The following PDE4D variants were observed in gnomAD, a reference collection of about 807,000 sequenced individuals.
The protein encoded by PDE4D is 3',5'-cyclic-AMP phosphodiesterase 4D.
A neutral mutation model predicts 87.4 loss-of-function variants in PDE4D; 24 were observed. The observed-to-expected ratio is 0.27, with a 90% CI of 0.20 to 0.39. PDE4D has a LOEUF of 0.39. PDE4D is among the 10% of genes least tolerant of loss of function. The probability of loss-of-function intolerance (pLI) is 1.00; values close to 1 mark genes in which losing one functional copy is unlikely to be tolerated. For missense variants in PDE4D, 714 were observed against 1,041.0 expected, an observed-to-expected ratio of 0.69 and a Z score of 4.32; for synonymous variants, 384 against 383.2, an observed-to-expected ratio of 1.00 and a Z score of -0.02.
chr5:59,986,255 C>A, intron 3 of PDE4D: 1 of 152,716 alleles, frequency 6.5e-6, no homozygotes, highest in Non-Finnish European at 1.5e-5. Context: ...AAGGTCTTGC[C>A]ATGTTGCCCA....
intron 1 of PDE4D, among the ~76,000 whole-genome samples, chr5:59,395,507 C>T (rs1031865759): frequency 3.3e-5 from 5 of 152,060 alleles, no homozygotes; most frequent in Non-Finnish European, 7.4e-5. Flanking sequence ...TCCAACAGAC[C>T]TGCAGCTGAG....
At chr5:59,693,863 T>C (rs543147396) in intron 1 of PDE4D, among the ~76,000 whole-genome samples, 7 of 152,198 alleles carry the variant, frequency 4.6e-5, no homozygotes, top group Non-Finnish European at 1.0e-4. Flanking sequence ...GAGTAGTCTA[T>C]GGATTAGGAT....
chr5:58,976,156 T>TAACAA (rs1170750130), intron 13 of PDE4D, among the ~76,000 whole-genome samples, 194 bp downstream of exon 13: 2 of 152,268 alleles, frequency 1.3e-5, no homozygotes, highest in East Asian at 3.9e-4. Flanking sequence ...TTAATGTAGA[T>TAACAA]GCAAACAGAA....
chr5:59,142,852 G>A (rs567529654), intron 5 of PDE4D, among the ~76,000 whole-genome samples: 5 of 152,318 alleles, frequency 3.3e-5, no homozygotes, highest in African/African-American at 7.2e-5. Flanking sequence ...AGGAGGCAGA[G>A]GTTTCAGTGA....
intron 1 of PDE4D, among the ~76,000 whole-genome samples, chr5:60,500,890 T>G (rs1446192899): frequency 6.6e-6 from 1 of 152,200 alleles, no homozygotes; most frequent in African/African-American, 2.4e-5. Flanking sequence ...CTGATATAAT[T>G]AACTCCTCTA....
At chr5:60,125,640 T>C (rs1779067080) in intron 2 of PDE4D, among the ~76,000 whole-genome samples, 1 of 152,110 alleles carries the variant, frequency 6.6e-6, no homozygotes, top group Non-Finnish European at 1.5e-5. Context: ...TTCAATTAGA[T>C]AGATAGATAA....
At chr5:59,810,371 C>T (rs1276889599) in intron 1 of PDE4D, among the ~76,000 whole-genome samples, 2 of 152,104 alleles carry the variant, frequency 1.3e-5, no homozygotes, top group African/African-American at 4.8e-5. Context: ...CCCATTTTTA[C>T]GTATTTGAAT....
rs539124958 is a variant in PDE4D, at chr5:60,453,607, C to T, written c.-90+34335G>A. 4.3e-4 allele frequency among the ~76,000 whole-genome samples: 65 copies of T among 152,122 alleles called. No individual in the cohort carries two copies. The South Asian group carries it at 0.013, about 31-fold the overall frequency. On this transcript the variant is annotated intron_variant, in intron 1 of 16. Coordinates refer to the PDE4D transcript ENST00000502484. ...TATACATTCAAATAGGTTTGTTGTA[C>T]TGGTTGCCATAAATTTCAAAACAAG... is the stretch of plus-strand genomic sequence containing the variant.
At chr5:59,712,902 A>G (rs1754419290) in intron 1 of PDE4D, among the ~76,000 whole-genome samples, 1 of 152,180 alleles carries the variant, frequency 6.6e-6, no homozygotes, top group Non-Finnish European at 1.5e-5. Context: ...ACAACTGTTT[A>G]AAGAATTTTT....
At chr5:59,028,185 A>G (rs1756596157) in intron 6 of PDE4D, among the ~76,000 whole-genome samples, 1 of 152,166 alleles carries the variant, frequency 6.6e-6, no homozygotes, top group African/African-American at 2.4e-5. Context: ...TTGATGAGCT[A>G]TACTGTAAAA....
chr5:59,012,626 A>C (rs1753060896), intron 6 of PDE4D, among the ~76,000 whole-genome samples: 2 of 152,240 alleles, frequency 1.3e-5, no homozygotes, highest in South Asian at 4.1e-4. Context: ...ATATGCACCC[A>C]ATACAGGAGC....
chr5:60,228,435 A>G (rs1745389456), intron 1 of PDE4D, among the ~76,000 whole-genome samples: 3 of 152,088 alleles, frequency 2.0e-5, no homozygotes, highest in African/African-American at 7.2e-5. Flanking sequence ...CTCATAATGA[A>G]CAGAGAAATA....
intron 1 of PDE4D, among the ~76,000 whole-genome samples, chr5:59,257,937 C>G (rs565322157): frequency 6.6e-6 from 1 of 152,036 alleles, no homozygotes; most frequent in South Asian, 2.1e-4. Context: ...CAGATATGTA[C>G]AGAAAACACC....
chr5:59,761,414 A>G (rs1287616480), intron 1 of PDE4D, among the ~76,000 whole-genome samples: 1 of 152,108 alleles, frequency 6.6e-6, no homozygotes, highest in Non-Finnish European at 1.5e-5. Context: ...GTAACTTTTT[A>G]CTTTATACAA....
At chr5:60,024,793 T>C (rs1766449033) in intron 2 of PDE4D, among the ~76,000 whole-genome samples, 1 of 152,162 alleles carries the variant, frequency 6.6e-6, no homozygotes, top group Admixed American at 6.5e-5. Flanking sequence ...AAACATCCAT[T>C]GAATATATAA....
chr5:59,319,162 G>A lies in PDE4D; in HGVS notation c.456-103194C>T, dbSNP rs1472586967. Among the ~76,000 whole-genome samples the A allele has an allele frequency of 1.1e-4, 4 of 37,218 alleles. No homozygotes were observed. The Admixed American group carries it at 1.2e-3, about 11-fold the overall frequency. The allele number at this position is 37,218 out of a possible 152,430, so 24.4% of individuals were successfully genotyped here. A position where few individuals can be genotyped will look rare whatever the true frequency, so the allele number is the denominator to read the frequency against. On this transcript the variant is annotated intron_variant, in intron 1 of 14. Transcript: ENST00000340635. ...CAAATATGAGAGAGTACATATATATGTGTGTGTGTGTGTGTGTGTGTGTGT... is the reference window on the plus strand; with the variant it reads ...CAAATATGAGAGAGTACATATATATATGTGTGTGTGTGTGTGTGTGTGTGT...
chr5:59,369,621 T>C (rs1783631269), intron 1 of PDE4D, among the ~76,000 whole-genome samples: 1 of 152,050 alleles, frequency 6.6e-6, no homozygotes, highest in South Asian at 2.1e-4. Flanking sequence ...CTCAGGACTG[T>C]CCCACTGGAG....
intron 1 of PDE4D, among the ~76,000 whole-genome samples, chr5:60,344,485 G>T (rs1369723932): frequency 1.3e-5 from 2 of 151,972 alleles, no homozygotes; most frequent in African/African-American, 2.4e-5. Context: ...TTAGACAAAG[G>T]TATAACAGTG....
chr5:59,536,640 C>A (rs992856534), intron 1 of PDE4D, among the ~76,000 whole-genome samples: 1 of 151,910 alleles, frequency 6.6e-6, no homozygotes, highest in Non-Finnish European at 1.5e-5. Context: ...TTAACTTCTC[C>A]CACTTTTTCC....
Sources: gnomAD v4.1 joint callset for allele counts (sites outside exome capture counted in the v4.1 genomes callset) on GRCh38, gnomAD v4.1.1 for gene constraint, MANE v1.5 for transcripts, NCBI Gene and HGNC (gene_info 2026-07-23, HGNC 2026-07-21) for gene names.